CELF2: variants seen among roughly 807,000 people sequenced by gnomAD.
CELF2 encodes CUGBP Elav-like family member 2, also known as CUG triplet repeat RNA-binding protein 2.
In CELF2, 8 loss-of-function variants were observed where a neutral mutation model predicts 62.6. The ratio of observed to expected loss-of-function variants is 0.13; its 90% CI spans 0.07 to 0.23. The LOEUF is 0.23. Among genes scored for constraint, CELF2 ranks in the 10% least tolerant of loss-of-function variants. The pLI is 1.00. For missense variants in CELF2, 333 were observed against 671.0 expected (o/e 0.50, Z 5.56); for synonymous variants, 258 against 250.0 (o/e 1.03, Z -0.30).
chr10:10,625,414 A>G, the CELF2 span, among the ~76,000 whole-genome samples: 1 of 152,228 alleles, frequency 6.6e-6, no homozygotes, highest in Non-Finnish European at 1.5e-5. Flanking sequence ...GGGTACTAAT[A>G]TTAATCCCAT....
At chr10:10,652,546 G>C in the CELF2 span, among the ~76,000 whole-genome samples, 2 of 144,034 alleles carry the variant, frequency 1.4e-5, no homozygotes, top group African/African-American at 5.2e-5. Flanking sequence ...CTACAAGCCA[G>C]AAGAGAGTGG....
intron 1 of CELF2, among the ~76,000 whole-genome samples, chr10:11,108,928 T>C (rs2054399107): frequency 7.2e-5 from 11 of 152,234 alleles, no homozygotes. Context: ...GTCTGGATAT[T>C]AATCCTCTGT....
At chr10:10,489,925 T>A in the CELF2 span, among the ~76,000 whole-genome samples, 2 of 152,100 alleles carry the variant, frequency 1.3e-5, no homozygotes, top group African/African-American at 2.4e-5. Flanking sequence ...GGTGGATTTC[T>A]ATGCATCATG....
rs151142990 is a variant in CELF2, at chr10:10,818,772, T to C, written c.53+19955T>C. On this transcript the variant is annotated intron_variant, in intron 1 of 13. Coordinates refer to the CELF2 transcript ENST00000636488. ...TTGTGTTTTTTAGTAGAGATGGGGT[T>C]TCCCCATGTTGACCAGGCTGGTCTC... is the stretch of plus-strand genomic sequence containing the variant. 1.9e-3 allele frequency among the ~76,000 whole-genome samples: 282 copies of C among 152,176 alleles called. 2 individuals are homozygous for C. The highest frequency in any genetic ancestry group is 0.013 in the South Asian group (64 of 4,812).
At chr10:11,072,045 G>A (rs557053292) in intron 1 of CELF2, among the ~76,000 whole-genome samples, 1 of 152,266 alleles carries the variant, frequency 6.6e-6, no homozygotes, top group African/African-American at 2.4e-5. Context: ...ATGTCCTTAG[G>A]ATCACACAGC....
chr10:10,879,966 G>T (rs1172935232), intron 1 of CELF2, among the ~76,000 whole-genome samples: 2 of 152,156 alleles, frequency 1.3e-5, no homozygotes, highest in Non-Finnish European at 2.9e-5. Flanking sequence ...GACACAGGGT[G>T]AACTCAAGCA....
At chr10:10,782,552 T>A in the CELF2 span, among the ~76,000 whole-genome samples, 6 of 152,282 alleles carry the variant, frequency 3.9e-5, no homozygotes, top group Admixed American at 3.3e-4. Flanking sequence ...CCCAAAACAA[T>A]GTTTAATCTG....
chr10:10,788,100 A>G, the CELF2 span, among the ~76,000 whole-genome samples: 1 of 152,232 alleles, frequency 6.6e-6, no homozygotes, highest in African/African-American at 2.4e-5. Context: ...AGTGCAAGCC[A>G]TAAGGGAGAA....
chr10:11,240,569 A>G (rs74804524), intron 3 of CELF2, among the ~76,000 whole-genome samples: 3 of 152,132 alleles, frequency 2.0e-5, no homozygotes, highest in African/African-American at 4.8e-5. Context: ...TCGAATGGCA[A>G]ATTAGCCGGG....
chr10:10,646,334 T>C, the CELF2 span, among the ~76,000 whole-genome samples: 1 of 152,208 alleles, frequency 6.6e-6, no homozygotes, highest in Non-Finnish European at 1.5e-5. Context: ...CTGGGACAAA[T>C]GGAAATCAAC....
At chr10:11,080,987 C>CG (rs2073871847) in intron 1 of CELF2, among the ~76,000 whole-genome samples, 1 of 152,166 alleles carries the variant, frequency 6.6e-6, no homozygotes, top group Non-Finnish European at 1.5e-5. Context: ...TCTGGTGTTC[C>CG]TTTGAAAAAC....
intron 1 of CELF2, among the ~76,000 whole-genome samples, chr10:11,139,104 G>T (rs1473998919): frequency 6.6e-6 from 1 of 152,158 alleles, no homozygotes; most frequent in South Asian, 2.1e-4. Context: ...ATCATACTGA[G>T]AATTTTTCAG....
Position 10,854,374 on chromosome 10 carries a change from G to A in CELF2, c.53+55557G>A, listed in dbSNP as rs148747451. The stretch of plus-strand genomic sequence containing the variant: ...GTCAAGTTATGGATATGGTGTGACC[G>A]TAAACAAGAGGTTTTGCCAAACCTA... On this transcript the variant is annotated intron_variant, in intron 1 of 13. Coordinates refer to the CELF2 transcript ENST00000636488. Among the ~76,000 whole-genome samples, 733 of 152,298 alleles carry A rather than the reference G, an allele frequency of 4.8e-3. 8 individuals carry two copies. Among genetic ancestry groups the A allele is most frequent in the Non-Finnish European group, 7.9e-3 (537 of 68,036 alleles).
intron 1 of CELF2, among the ~76,000 whole-genome samples, chr10:11,149,022 C>T (rs546911852): frequency 2.6e-5 from 4 of 152,148 alleles, no homozygotes; most frequent in African/African-American, 7.2e-5. Context: ...GAGTAACCTC[C>T]TTCTGAATGC....
chr10:11,184,884 G>T (rs1179346035), intron 2 of CELF2, among the ~76,000 whole-genome samples: 2 of 152,092 alleles, frequency 1.3e-5, no homozygotes, highest in Non-Finnish European at 2.9e-5. Context: ...TTTCTTGCCT[G>T]CTTGCACTGG....
chr10:11,235,406 A>G (rs1168883314), intron 3 of CELF2, among the ~76,000 whole-genome samples: 6 of 152,226 alleles, frequency 3.9e-5, no homozygotes, highest in Non-Finnish European at 8.8e-5. Context: ...CTGAAGGCCT[A>G]ATCCTTGAAT....
At chr10:11,149,247 T>C (rs1407120582) in intron 1 of CELF2, among the ~76,000 whole-genome samples, 1 of 152,158 alleles carries the variant, frequency 6.6e-6, no homozygotes. Context: ...ATTTTTGTAT[T>C]TTTAGTGGAG....
chr10:10,860,506 G>A (rs1171616992), intron 1 of CELF2, among the ~76,000 whole-genome samples: 2 of 152,102 alleles, frequency 1.3e-5, no homozygotes, highest in African/African-American at 4.8e-5. Flanking sequence ...AAGTATAAGA[G>A]AAAAAAGTCA....
chr10:10,567,078 A>G, the CELF2 span, among the ~76,000 whole-genome samples: 1 of 152,338 alleles, frequency 6.6e-6, no homozygotes, highest in South Asian at 2.1e-4. Context: ...GTGTTCATTT[A>G]AGAAAAGACA....
Sources: gnomAD v4.1 joint callset for allele counts (sites outside exome capture counted in the v4.1 genomes callset) on GRCh38, gnomAD v4.1.1 for gene constraint, MANE v1.5 for transcripts, NCBI Gene and HGNC (gene_info 2026-07-23, HGNC 2026-07-21) for gene names.